The following GTF2IRD1 variants were observed in gnomAD, a reference collection of about 807,000 sequenced individuals.
GTF2IRD1 encodes the protein GTF2I repeat domain containing 1.
GTF2IRD1 carries 26 observed loss-of-function variants against 113.2 expected under a neutral mutation model. The observed-to-expected ratio is 0.23, with a 90% CI of 0.17 to 0.32. The LOEUF (loss-of-function observed/expected upper bound fraction) is 0.32. Among genes scored for constraint, GTF2IRD1 ranks in the 10% least tolerant of loss-of-function variants. The pLI, the probability that GTF2IRD1 is intolerant of heterozygous loss-of-function variation, is 1.00. For synonymous variants in GTF2IRD1, 484 were observed against 529.1 expected (o/e 0.91, Z 1.17); for missense variants, 864 against 1,280.8 (o/e 0.67, Z 4.97).
Position 74,521,312 on chromosome 7 carries a change from A to G in GTF2IRD1, c.1006+15A>G, listed in dbSNP as rs368211156. 11 of 1,522,702 alleles carry G rather than the reference A, an allele frequency of 7.2e-6. No individual in the cohort carries two copies. The highest frequency in any genetic ancestry group is 1.0e-5 in the Non-Finnish European group (11 of 1,097,404). The allele number at this position is 1,522,702 out of a possible 1,614,324, so 94.3% of individuals were successfully genotyped here. ...TGACAAGTCAGGTAGGACAGCGCCCACGAAGCACCCCGGCCTGAGTGGGAA... is the reference window on the plus strand; with the variant it reads ...TGACAAGTCAGGTAGGACAGCGCCCGCGAAGCACCCCGGCCTGAGTGGGAA... On this transcript the variant is annotated intron_variant, in intron 7 of 26. Coordinates refer to ENST00000424337, the MANE Select transcript of GTF2IRD1 (RefSeq NM_005685.4).
rs1329095931 is a variant in GTF2IRD1, at chr7:74,520,811, GC to G, written c.917-395del. Among the ~76,000 whole-genome samples the G allele has an allele frequency of 2.1e-5, 3 of 144,562 alleles. No homozygotes were observed. In the Admixed American group the frequency reaches 2.1e-4, roughly 10 times the overall value. The allele number at this position is 144,562 out of a possible 152,430, so 94.8% of individuals were successfully genotyped here. A position where few individuals can be genotyped will look rare whatever the true frequency, so the allele number is the denominator to read the frequency against. On this transcript the variant is annotated intron_variant, in intron 6 of 26. Coordinates refer to ENST00000424337, the MANE Select transcript of GTF2IRD1 (RefSeq NM_005685.4). ...AAAAAGCGTTTGGGTCTAATGCTTGGCCTGTAGTAGGTGCTTGTAAGTTATA... is the reference window on the plus strand; with the variant it reads ...AAAAAGCGTTTGGGTCTAATGCTTGGCTGTAGTAGGTGCTTGTAAGTTATA...
chr7:74,544,026 G>A (rs1190340925), intron 14 of GTF2IRD1, among the ~76,000 whole-genome samples: 2 of 152,084 alleles, frequency 1.3e-5, no homozygotes, highest in African/African-American at 4.8e-5. Flanking sequence ...TCCATCCTGG[G>A]CAACAGAGCA....
At chr7:74,460,761 A>G (rs190425752) in intron 1 of GTF2IRD1, among the ~76,000 whole-genome samples, 2 of 152,176 alleles carry the variant, frequency 1.3e-5, no homozygotes, top group South Asian at 2.1e-4. Context: ...TTATACACCA[A>G]GTAAGATTTT....
intron 4 of GTF2IRD1, 60 bp from the exon 5 acceptor site, chr7:74,518,079 C>G: frequency 7.7e-7 from 1 of 1,293,994 alleles, no homozygotes; most frequent in South Asian, 1.6e-5. Flanking sequence ...GCACAGCAGC[C>G]CCGACCCCAG....
chr7:74,471,564 T>C (rs1178863556), intron 1 of GTF2IRD1, among the ~76,000 whole-genome samples: 1 of 151,174 alleles, frequency 6.6e-6, no homozygotes, highest in Non-Finnish European at 1.5e-5. Flanking sequence ...TATTCCCAGC[T>C]ACTCAGGAGG....
intron 1 of GTF2IRD1, among the ~76,000 whole-genome samples, chr7:74,490,548 C>T (rs904078066): frequency 1.3e-5 from 2 of 151,410 alleles, no homozygotes; most frequent in East Asian, 1.9e-4. Flanking sequence ...GGATACCCCC[C>T]CCCCCGCCCG....
rs1554369332 is a variant in GTF2IRD1 at position 74,590,892 on chromosome 7, C to T, written c.2466C>T (p.Ala822=). Residue 822 remains alanine, a synonymous_variant, in exon 24 of 27, where the codon GCC becomes GCT. Transcript: ENST00000424337. The stretch of plus-strand genomic sequence containing the variant: ...AACTAATCCGGGACAGCCCAGACGC[C>T]GTGGAGGTCACGGGTCTGCCTGATG... The part of the protein sequence containing the change: ...PYKLIRDSPD[A]VEVTGLPDDI... 6.8e-6 allele frequency: 11 copies of T among 1,613,492 alleles called. No individual in the cohort carries two copies. Among genetic ancestry groups the T allele is most frequent in the African/African-American group, 1.3e-5 (1 of 74,912 alleles).
At chr7:74,523,803 A>T (rs1429093334) in intron 7 of GTF2IRD1, among the ~76,000 whole-genome samples, 1 of 152,068 alleles carries the variant, frequency 6.6e-6, no homozygotes, top group Non-Finnish European at 1.5e-5. Flanking sequence ...CTGGGGCAGG[A>T]TGGGCTCGGG....
intron 1 of GTF2IRD1, among the ~76,000 whole-genome samples, chr7:74,472,468 C>T (rs1554332639): frequency 1.3e-5 from 2 of 152,216 alleles, no homozygotes; most frequent in Admixed American, 6.5e-5. Context: ...CACATCTGGC[C>T]GGGCACAGTG....
intron 14 of GTF2IRD1, among the ~76,000 whole-genome samples, chr7:74,544,114 T>C (rs1400613894): frequency 2.0e-5 from 3 of 152,196 alleles, no homozygotes; most frequent in African/African-American, 4.8e-5. Context: ...TGTATGTTTT[T>C]ATCTATGTGC....
intron 2 of GTF2IRD1, among the ~76,000 whole-genome samples, chr7:74,508,930 G>GTAT (rs1796459028): frequency 6.6e-6 from 1 of 152,106 alleles, no homozygotes; most frequent in Non-Finnish European, 1.5e-5. Context: ...ACCGAGCTTT[G>GTAT]TATAATACAT....
rs1400888335 is a variant in GTF2IRD1 at position 74,590,849 on chromosome 7, C to T, written c.2423C>T (p.Pro808Leu). The change falls in exon 24 of 27, where the codon CCG (proline) becomes CTG (leucine). Residue 808 changes from proline (P) to leucine (L), a missense_variant. By Grantham distance (98) the Pro-to-Leu change is moderately conservative (BLOSUM62 -3). Around this residue, in one of 7 missense-constraint regions of GTF2IRD1, gnomAD observed 195 missense variants for 359.1 expected, o/e 0.54. Transcript: ENST00000424337. ...KYGEALGLNR[P>L]VLVPYKLIRD... ...GGTGAGGCCCTGGGCCTGAACCGGC[C>T]GGTGCTGGTCCCTTATAAACTAATC... is the stretch of plus-strand genomic sequence containing the variant. 2 of 1,609,360 alleles carry T rather than the reference C, an allele frequency of 1.2e-6. No individual in the cohort carries two copies. Among genetic ancestry groups the T allele is most frequent in the Non-Finnish European group, 1.7e-6 (2 of 1,176,948 alleles).
chr7:74,576,617 CTTTTTTTTTTTTTT>C (rs1165378230), intron 22 of GTF2IRD1, among the ~76,000 whole-genome samples: 36 of 49,360 alleles, frequency 7.3e-4, no homozygotes, highest in South Asian at 8.3e-4. Context: ...ATTTCCTTGT[CTTTTTTTTTTTTTT>C]TTTTTTTTTT....
chr7:74,575,442 G>A lies in GTF2IRD1; in HGVS notation c.2321-14409G>A, dbSNP rs150548169. Among the ~76,000 whole-genome samples the A allele has an allele frequency of 4.9e-4, 74 of 152,286 alleles. No homozygotes were observed. In the East Asian group the frequency reaches 6.9e-3, roughly 14 times the overall value. ...TTTTGCTCAGAGTGAGCTTAGAGTC[G>A]GTGCAGTTCTGAGCAGAGGGTAACA... On this transcript the variant is annotated intron_variant, in intron 22 of 26. Coordinates refer to ENST00000424337, the MANE Select transcript of GTF2IRD1 (RefSeq NM_005685.4).
At chr7:74,594,933 C>A (rs1802314667) in intron 24 of GTF2IRD1, 81 bp from the exon 25 acceptor site, 4 of 965,794 alleles carry the variant, frequency 4.1e-6, no homozygotes, top group Non-Finnish European at 6.4e-6. Context: ...GCCTGGGCAA[C>A]CGAGTGAGAC....
At chr7:74,578,500 G>A (rs112289437) in intron 22 of GTF2IRD1, among the ~76,000 whole-genome samples, 6,936 of 152,258 alleles carry the variant, frequency 0.046, 251 homozygotes, top group Middle Eastern at 0.12. Flanking sequence ...TATGACAAAG[G>A]CGTGTTATTG....
chr7:74,601,125 C>G lies in GTF2IRD1; in HGVS notation c.2711C>G (p.Ser904Cys). Reference sequence around the variant, plus strand: ...GTCTCCTCTTCCTCCTCGTCTTCCTCTTCCTCGTCCTCTAACCCGGATTCA... The same window carrying G: ...GTCTCCTCTTCCTCCTCGTCTTCCTGTTCCTCGTCCTCTAACCCGGATTCA... Reference protein sequence around the residue: ...NSVSSSSSSSSSSSSNPDSVA... With the variant: ...NSVSSSSSSSCSSSSNPDSVA... The change falls in exon 26 of 27, where the codon TCT (serine) becomes TGT (cysteine). Residue 904 changes from serine (S) to cysteine (C), a missense_variant. Around this residue, in one of 7 missense-constraint regions of GTF2IRD1, gnomAD observed 55 missense variants for 52.2 expected, o/e 1.05. Transcript: ENST00000424337. 6.2e-7 allele frequency: 1 copy of G among 1,613,002 alleles called. No individual in the cohort carries two copies. The highest frequency in any genetic ancestry group is 1.3e-5 in the African/African-American group (1 of 75,040).
At position 74,508,158 on chromosome 7, in the gene GTF2IRD1, C is replaced by T; in HGVS notation, c.78C>T (p.Arg26=). 1 of 1,612,866 alleles carries T rather than the reference C, an allele frequency of 6.2e-7. No individual in the cohort carries two copies. Among genetic ancestry groups the T allele is most frequent in the Non-Finnish European group, 8.5e-7 (1 of 1,179,974 alleles). ...GPDRWNSAFT[R]KDEIITSLVS... ...ACCGCTGGAACTCCGCGTTCACCCG[C>T]AAAGACGAGATCATCACCAGCCTCG... The change falls in exon 2 of 27, where the codon CGC becomes CGT. Residue 26 remains arginine (R), a synonymous_variant. Coordinates refer to ENST00000424337, the MANE Select transcript of GTF2IRD1 (RefSeq NM_005685.4).
intron 1 of GTF2IRD1, among the ~76,000 whole-genome samples, chr7:74,454,448 G>T (rs1792825863): frequency 6.6e-6 from 1 of 152,010 alleles, no homozygotes; most frequent in South Asian, 2.1e-4. Flanking sequence ...CCTTGCCACC[G>T]GCTCTTCTGG....
Sources: allele counts gnomAD v4.1 joint callset (sites outside exome capture counted in the v4.1 genomes callset), GRCh38; gene constraint gnomAD v4.1.1; regional missense constraint gnomAD v4.1.1; transcripts MANE v1.5; gene names NCBI Gene and HGNC (gene_info 2026-07-23, HGNC 2026-07-21).